Variants in PNPLA3 observed in about 807,000 individuals in gnomAD.
PNPLA3 encodes the protein 1-acylglycerol-3-phosphate O-acyltransferase PNPLA3.
In PNPLA3, 42 loss-of-function variants were observed where a neutral mutation model predicts 43.1. That is an observed-to-expected ratio of 0.97 (90% confidence interval 0.76 to 1.26). The LOEUF is 1.26. Ranked by LOEUF, PNPLA3 falls within the 50% of genes most tolerant of loss-of-function variation. The pLI, the probability that PNPLA3 is intolerant of heterozygous loss-of-function variation, is 0.00. For missense variants in PNPLA3, 647 were observed against 621.4 expected (o/e 1.04, Z -0.44); for synonymous variants, 272 against 253.6 (o/e 1.07, Z -0.69).
At chr22:43,943,266 A>G (rs895074818) in intron 7 of PNPLA3, among the ~76,000 whole-genome samples, 10 of 148,938 alleles carry the variant, frequency 6.7e-5, no homozygotes, top group Admixed American at 3.3e-4. Flanking sequence ...TTTCTCTTTT[A>G]TGCTACTTAT....
rs4823175 is a variant in PNPLA3, at chr22:43,936,805, A to T, written c.758-246A>T. 0.97 allele frequency among the ~76,000 whole-genome samples: 148,283 copies of T among 152,304 alleles called. 72,225 individuals are homozygous for T. Among genetic ancestry groups the T allele is most frequent in the Middle Eastern group, 1 (294 of 294 alleles). On this transcript the variant is annotated intron_variant, in intron 5 of 8. Coordinates refer to ENST00000216180, the MANE Select transcript of PNPLA3 (RefSeq NM_025225.3). ...AACCCTCGCCTTTGCACCTCATGAA[A>T]CCAGATATGTAGATGGAGCCCACAA...
intron 6 of PNPLA3, 89 bp downstream of exon 6, chr22:43,937,361 T>C (rs1396714245): frequency 2.5e-6 from 3 of 1,222,830 alleles, no homozygotes; most frequent in African/African-American, 1.5e-5. Flanking sequence ...ATGGGAGCGA[T>C]AGGGTGAGGC....
intron 1 of PNPLA3, among the ~76,000 whole-genome samples, chr22:43,925,676 C>G (rs775715759): frequency 6.6e-6 from 1 of 152,140 alleles, no homozygotes; most frequent in Non-Finnish European, 1.5e-5. Flanking sequence ...TCTGCCTTCC[C>G]CTAAGCCAGG....
intron 6 of PNPLA3, 113 bp from the exon 7 acceptor site, chr22:43,939,880 C>A: frequency 1.4e-6 from 2 of 1,477,164 alleles, no homozygotes; most frequent in Non-Finnish European, 1.9e-6. Flanking sequence ...GTGCCTCTGA[C>A]CCTTTGGCTG....
chr22:43,936,304 A>T (rs1388820730), intron 5 of PNPLA3, among the ~76,000 whole-genome samples: 1 of 152,084 alleles, frequency 6.6e-6, no homozygotes, highest in Non-Finnish European at 1.5e-5. Context: ...ATGTGAGGTT[A>T]TCTTGGGGGG....
chr22:43,942,701 C>CTTTTTTTTTTTTTTTTTTTT (rs398037291), intron 7 of PNPLA3, among the ~76,000 whole-genome samples: 1 of 113,680 alleles, frequency 8.8e-6, no homozygotes, highest in Non-Finnish European at 1.7e-5. Context: ...TTTCTTTTTT[C>CTTTTTTTTTTTTTTTTTTTT]TTTTTTTTTT....
intron 5 of PNPLA3, among the ~76,000 whole-genome samples, chr22:43,936,645 T>A (rs996505189): frequency 6.6e-6 from 1 of 152,236 alleles, no homozygotes; most frequent in African/African-American, 2.4e-5. Flanking sequence ...TCTTTTAACC[T>A]TGCTGTGCTT....
intron 4 of PNPLA3, 112 bp downstream of exon 4, chr22:43,933,199 C>A (rs1174384787): frequency 9.9e-7 from 1 of 1,009,608 alleles, no homozygotes; most frequent in Non-Finnish European, 1.5e-6. Flanking sequence ...TAGACCTGTC[C>A]TTGATGGTTA....
At position 43,944,623 on chromosome 22, in the gene PNPLA3, A is replaced by C. The variant is rs2050051315; in HGVS notation, c.1113-68A>C. 3.1e-6 allele frequency: 4 copies of C among 1,308,238 alleles called. 1 individual carries two copies. Among genetic ancestry groups the C allele is most frequent in the African/African-American group, 2.9e-5 (2 of 68,954 alleles). 81.0% of individuals were successfully genotyped at this position (1,308,238 alleles called of 1,614,324 possible). A position where few individuals can be genotyped will look rare whatever the true frequency, so the allele number is the denominator to read the frequency against. The stretch of plus-strand genomic sequence containing the variant: ...GTGATGTTGGCAGCTTTTGTAAACA[A>C]AGGGTAGTGTTGTAAGCTGTTGTGT... On this transcript the variant is annotated intron_variant, in intron 7 of 8. Coordinates refer to ENST00000216180, the MANE Select transcript of PNPLA3 (RefSeq NM_025225.3).
At chr22:43,933,233 CAGA>C in intron 4 of PNPLA3, 146 bp downstream of exon 4, 1 of 763,612 alleles carries the variant, frequency 1.3e-6, no homozygotes, top group South Asian at 1.8e-5. Context: ...GCGCTTGTCC[CAGA>C]AGCTCAGGTG....
chr22:43,946,501 C>A lies in PNPLA3; in HGVS notation c.*119C>A, dbSNP rs1206535496. 4 of 1,014,956 alleles carry A rather than the reference C, an allele frequency of 3.9e-6. No individual in the cohort carries two copies. Among genetic ancestry groups the A allele is most frequent in the Non-Finnish European group, 6.1e-6 (4 of 659,858 alleles). The allele number at this position is 1,014,956 out of a possible 1,614,324, so 62.9% of individuals were successfully genotyped here. ...CTGCCTGTGACGTGGAGGATCCCAG[C>A]CTCTGAGCTGAGTTGGTTTTATGAA... is the stretch of plus-strand genomic sequence containing the variant. On this transcript the variant is annotated 3_prime_UTR_variant, in exon 9 of 9. Transcript: ENST00000216180.
intron 2 of PNPLA3, 109 bp downstream of exon 2, chr22:43,927,276 G>C (rs901588669): frequency 2.1e-6 from 2 of 960,328 alleles, no homozygotes; most frequent in Non-Finnish European, 3.2e-6. Flanking sequence ...AAGCGGGTGG[G>C]TTGCTTGAGC....
chr22:43,943,365 A>G (rs1392356546), intron 7 of PNPLA3, among the ~76,000 whole-genome samples: 1 of 152,036 alleles, frequency 6.6e-6, no homozygotes, highest in Non-Finnish European at 1.5e-5. Context: ...CACCTGGCAG[A>G]GCTCCCAGAC....
In PNPLA3 at chr22:43,946,135, C is replaced by T; in HGVS notation, c.1218-19C>T. On this transcript the variant is annotated intron_variant, in intron 8 of 8. Transcript: ENST00000216180. ...GCAGCGGGAACGGCCTCTAAGCCAACTTCCTCCATGTGTTTCAGGTCCCAA... is the reference window on the plus strand; with the variant it reads ...GCAGCGGGAACGGCCTCTAAGCCAATTTCCTCCATGTGTTTCAGGTCCCAA... 6.2e-7 allele frequency: 1 copy of T among 1,609,360 alleles called. No individual in the cohort carries two copies. Among genetic ancestry groups the T allele is most frequent in the East Asian group, 2.2e-5 (1 of 44,748 alleles).
rs1417422240 is a variant in PNPLA3, at chr22:43,942,703, T to TTC, written c.1113-1987_1113-1986insCT. 3.1e-3 allele frequency among the ~76,000 whole-genome samples: 394 copies of TTC among 129,086 alleles called. 3 individuals are homozygous for TTC. The highest frequency in any genetic ancestry group is 0.014 in the African/African-American group (369 of 26,904). 84.7% of individuals were successfully genotyped at this position (129,086 alleles called of 152,430 possible). A position where few individuals can be genotyped will look rare whatever the true frequency, so the allele number is the denominator to read the frequency against. ...CCTTCCCTTCCATTTTCTTTTTTCT[T>TTC]TTTTTTTTTTTTTTTTTGAGACAGG... On this transcript the variant is annotated intron_variant, in intron 7 of 8. Coordinates refer to ENST00000216180, the MANE Select transcript of PNPLA3 (RefSeq NM_025225.3).
chr22:43,927,782 T>C (rs1401601431), intron 2 of PNPLA3, among the ~76,000 whole-genome samples: 3 of 152,184 alleles, frequency 2.0e-5, no homozygotes, highest in Non-Finnish European at 4.4e-5. Flanking sequence ...CTAATGTTTG[T>C]ACTTTTTGTA....
chr22:43,923,973 AC>A lies in PNPLA3; in HGVS notation c.64del (p.His22ThrfsTer8), dbSNP rs765529904. On this transcript the variant is annotated frameshift_variant, in exon 1 of 9. Coordinates refer to ENST00000216180, the MANE Select transcript of PNPLA3 (RefSeq NM_025225.3). LOFTEE classifies it high-confidence loss of function. ...SFAGCGFLGF[Y>X]HVGATRCLSE... ...GCGGGCTGCGGCTTCCTGGGCTTCT[AC>A]CACGTCGGGGCGACCCGCTGCCTGA... is the stretch of plus-strand genomic sequence containing the variant. 753 of 1,585,044 alleles carry A rather than the reference AC, an allele frequency of 4.8e-4. No individual in the cohort carries two copies. The highest frequency in any genetic ancestry group is 7.5e-4 in the Admixed American group (44 of 58,910).
At chr22:43,942,701 C>CTTTTTT (rs398037291) in intron 7 of PNPLA3, among the ~76,000 whole-genome samples, 38 of 113,674 alleles carry the variant, frequency 3.3e-4, no homozygotes, top group East Asian at 5.4e-4. Flanking sequence ...TTTCTTTTTT[C>CTTTTTT]TTTTTTTTTT....
In PNPLA3 at chr22:43,940,091, C is replaced by T. The variant is rs766701461; in HGVS notation, c.1078C>T (p.Leu360=). The change falls in exon 7 of 9, where the codon CTG becomes TTG. Residue 360 remains leucine, a synonymous_variant. Coordinates refer to ENST00000216180, the MANE Select transcript of PNPLA3 (RefSeq NM_025225.3). The stretch of plus-strand genomic sequence containing the variant: ...GTCTTATGTAATGCTGCCCTGTACC[C>T]TGCCTGTGGAATCTGCCATTGCGAT... ...IMSYVMLPCT[L]PVESAIAIVQ... 3.1e-6 allele frequency: 5 copies of T among 1,614,160 alleles called. No homozygotes were observed. The highest frequency in any genetic ancestry group is 2.2e-5 in the South Asian group (2 of 91,084).
Sources: allele counts gnomAD v4.1 joint callset (sites outside exome capture counted in the v4.1 genomes callset), GRCh38; gene constraint gnomAD v4.1.1; transcripts MANE v1.5; gene names NCBI Gene and HGNC (gene_info 2026-07-23, HGNC 2026-07-21).